C11orf24: variants seen among roughly 807,000 people sequenced by gnomAD.
C11orf24 encodes the protein chromosome 11 open reading frame 24, also known as uncharacterized protein C11orf24.
Under a neutral mutation model 7.3 loss-of-function variants are expected in C11orf24, and 5 were observed. That is an observed-to-expected ratio of 0.69 (90% CI 0.36 to 1.45). C11orf24 has a LOEUF of 1.45. C11orf24 is among the 40% of genes most tolerant of loss of function. The pLI, the probability that C11orf24 is intolerant of heterozygous loss-of-function variation, is 0.03. For missense variants in C11orf24, 566 were observed against 590.5 expected (o/e 0.96, Z 0.43); for synonymous variants, 233 against 235.7 (o/e 0.99, Z 0.11).
Position 68,262,622 on chromosome 11 carries a change from T to A in C11orf24, c.373A>T (p.Ser125Cys), listed in dbSNP as rs2098562497. The A allele has an allele frequency of 6.2e-7, 1 of 1,612,564 alleles. No individual in the cohort carries two copies. The highest frequency in any genetic ancestry group is 8.5e-7 in the Non-Finnish European group (1 of 1,179,880). Reference protein sequence around the residue: ...TAASITTAASSMTVASSAPTT... With the variant: ...TAASITTAASCMTVASSAPTT... Reference sequence around the variant, plus strand: ...GGAGCACTGGAGGCCACAGTCATACTGGAGGCCGCAGTCGTAATGGAGGCC... The same window carrying A: ...GGAGCACTGGAGGCCACAGTCATACAGGAGGCCGCAGTCGTAATGGAGGCC... Residue 125 changes from serine (S) to cysteine (C), a missense_variant, in exon 4 of 4, where the codon AGT becomes TGT. Physicochemically the swap from Ser to Cys is moderately radical, Grantham distance 112. Transcript: ENST00000304271.
At chr11:68,271,299 C>T (rs1342958949) in intron 1 of C11orf24, among the ~76,000 whole-genome samples, 1 of 152,120 alleles carries the variant, frequency 6.6e-6, no homozygotes, top group Non-Finnish European at 1.5e-5. Flanking sequence ...TAAGCAGCCA[C>T]ACGGGGGCTA....
intron 2 of C11orf24, among the ~76,000 whole-genome samples, chr11:68,264,491 C>T (rs2098563606): frequency 1.4e-5 from 2 of 142,336 alleles, no homozygotes; most frequent in Admixed American, 7.0e-5. Flanking sequence ...TCCACCCACC[C>T]ATCCATCCAC....
In C11orf24 at chr11:68,262,527, C is replaced by T. The variant is rs755673455; in HGVS notation, c.468G>A (p.Ala156=). The change falls in exon 4 of 4, where the codon GCG becomes GCA. Residue 156 remains alanine, a synonymous_variant. Transcript: ENST00000304271. Reference sequence around the variant, plus strand: ...CAAGTGTCATGGGAGTGCTGGAGGCCGCAGTCATACTGGAGGCTGCAGTCG... The same window carrying T: ...CAAGTGTCATGGGAGTGCTGGAGGCTGCAGTCATACTGGAGGCTGCAGTCG... The part of the protein sequence containing the change: ...APTTAASSMT[A]ASSTPMTLAL... 47 of 1,612,292 alleles carry T rather than the reference C, an allele frequency of 2.9e-5. No individual in the cohort carries two copies. In the Middle Eastern group the frequency reaches 8.3e-4, roughly 28 times the overall value.
chr11:68,270,970 T>G (rs1294881668), intron 1 of C11orf24, among the ~76,000 whole-genome samples: 1 of 152,186 alleles, frequency 6.6e-6, no homozygotes, highest in African/African-American at 2.4e-5. Flanking sequence ...TTTATTATAT[T>G]ACATTAACTA....
At chr11:68,266,843 T>C (rs1422013402) in intron 2 of C11orf24, among the ~76,000 whole-genome samples, 1 of 152,048 alleles carries the variant, frequency 6.6e-6, no homozygotes, top group African/African-American at 2.4e-5. Context: ...GAGCCCGGGA[T>C]TTGAGGTCCT....
In C11orf24 at chr11:68,262,892, T is replaced by C. The variant is rs1037814676; in HGVS notation, c.103A>G (p.Lys35Glu). 1.9e-6 allele frequency: 3 copies of C among 1,613,602 alleles called. No individual in the cohort carries two copies. Among genetic ancestry groups the C allele is most frequent in the Non-Finnish European group, 2.5e-6 (3 of 1,179,772 alleles). ...PRNFVPNKMWKGLVKRNASVE... is the reference protein window; with the variant it reads ...PRNFVPNKMWEGLVKRNASVE... ...GATGCATTCCTCTTGACTAATCCCT[T>C]CCACATTTTGTTAGGGACAAAGTTG... Residue 35 changes from lysine (K) to glutamate (E), a missense_variant, in exon 4 of 4, where the codon AAG becomes GAG. Lys to Glu is a moderately conservative substitution (Grantham distance 56). Coordinates refer to ENST00000304271, the MANE Select transcript of C11orf24 (RefSeq NM_022338.4).
chr11:68,263,874 C>G lies in C11orf24; in HGVS notation c.-99-8G>C. The G allele has an allele frequency of 2.2e-6, 2 of 899,762 alleles. No individual in the cohort carries two copies. The highest frequency in any genetic ancestry group is 3.4e-6 in the Non-Finnish European group (2 of 583,728). The allele number at this position is 899,762 out of a possible 1,614,324, so 55.7% of individuals were successfully genotyped here. ...CCTGCTTGGCCAAGGGATCTGTGGT[C>G]AAGAAAGCACGCTGGTCAGAAGGCG... On this transcript the variant is annotated splice_polypyrimidine_tract_variant and splice_region_variant and intron_variant, in intron 2 of 3. Transcript: ENST00000304271.
intron 2 of C11orf24, among the ~76,000 whole-genome samples, chr11:68,265,235 T>G (rs2098564476): frequency 6.6e-6 from 1 of 152,106 alleles, no homozygotes; most frequent in Non-Finnish European, 1.5e-5. Context: ...GCAGTTTAGA[T>G]TTCACAGTAG....
At chr11:68,263,897 G>C in intron 2 of C11orf24, 31 bp from the exon 3 acceptor site, 2 of 721,000 alleles carry the variant, frequency 2.8e-6, no homozygotes, top group Non-Finnish European at 4.6e-6. Flanking sequence ...TGGTCAGAAG[G>C]CGTCTGGCCA....
intron 1 of C11orf24, among the ~76,000 whole-genome samples, chr11:68,270,065 T>C (rs2098567120): frequency 6.6e-6 from 1 of 152,192 alleles, no homozygotes; most frequent in African/African-American, 2.4e-5. Context: ...TTCTCATTAT[T>C]ATGTGGTACA....
At chr11:68,266,811 C>T (rs1037110510) in intron 2 of C11orf24, among the ~76,000 whole-genome samples, 1 of 152,098 alleles carries the variant, frequency 6.6e-6, no homozygotes, top group Non-Finnish European at 1.5e-5. Flanking sequence ...ATGCTACCAC[C>T]CCTGGTATGT....
rs1443958037 is a variant in C11orf24 at position 68,263,686 on chromosome 11, A to G, written c.76+6T>C. On this transcript the variant is annotated splice_donor_region_variant and intron_variant, in intron 3 of 3. Coordinates refer to ENST00000304271, the MANE Select transcript of C11orf24 (RefSeq NM_022338.4). ...CATCCAGCAGTCACACAGCTTTCTC[A>G]CTTACGTGGATCGTTGGATGCCGCA... 6.2e-7 allele frequency: 1 copy of G among 1,612,790 alleles called. No individual in the cohort carries two copies. The highest frequency in any genetic ancestry group is 8.5e-7 in the Non-Finnish European group (1 of 1,179,512).
At chr11:68,269,863 T>C (rs1157265890) in intron 1 of C11orf24, among the ~76,000 whole-genome samples, 2 of 152,234 alleles carry the variant, frequency 1.3e-5, no homozygotes, top group East Asian at 1.9e-4. Flanking sequence ...TATGACTTCA[T>C]CCCTCTGCTA....
chr11:68,265,233 G>A (rs1377208202), intron 2 of C11orf24, among the ~76,000 whole-genome samples: 1 of 152,160 alleles, frequency 6.6e-6, no homozygotes, highest in African/African-American at 2.4e-5. Context: ...TGGCAGTTTA[G>A]ATTTCACAGT....
chr11:68,266,922 A>G (rs2153104071), intron 2 of C11orf24, among the ~76,000 whole-genome samples: 1 of 152,220 alleles, frequency 6.6e-6, no homozygotes, highest in South Asian at 2.1e-4. Flanking sequence ...CGGCTCCTGA[A>G]TGTACCCCAG....
chr11:68,270,046 C>A (rs1040927970), intron 1 of C11orf24, among the ~76,000 whole-genome samples: 1 of 95,288 alleles, frequency 1.0e-5, no homozygotes, highest in African/African-American at 4.3e-5. Context: ...CTCGGGACCC[C>A]ACCAGTTATT....
Position 68,261,418 on chromosome 11 carries a change from G to T in C11orf24, c.*227C>A. On this transcript the variant is annotated 3_prime_UTR_variant, in exon 4 of 4. Transcript: ENST00000304271. ...GTCCTGCCCGCCCCACCCTGAGGTG[G>T]AACCCCCAGCTGCTCCTGGGCACAG... 1.9e-6 allele frequency: 1 copy of T among 514,094 alleles called. No homozygotes were observed. The highest frequency in any genetic ancestry group is 1.9e-5 in the African/African-American group (1 of 52,502). 31.8% of individuals were successfully genotyped at this position (514,094 alleles called of 1,614,324 possible).
rs2098562319 is a variant in C11orf24, at chr11:68,262,434, A to T, written c.561T>A (p.Ser187=). 2 of 1,614,088 alleles carry T rather than the reference A, an allele frequency of 1.2e-6. No individual in the cohort carries two copies. The highest frequency in any genetic ancestry group is 1.6e-4 in the Middle Eastern group (1 of 6,062). ...GCACTTGTGCGAGGGCTGTGCTGAG[A>T]GATGGATGCCCAGTGGCGGTAGTGG... The part of the protein sequence containing the change: ...TPSTTATGHP[S]LSTALAQVPK... Residue 187 remains serine (S), a synonymous_variant, in exon 4 of 4, where the codon TCT becomes TCA. Transcript: ENST00000304271.
intron 2 of C11orf24, among the ~76,000 whole-genome samples, chr11:68,264,114 C>T (rs2098563336): frequency 6.6e-6 from 1 of 152,130 alleles, no homozygotes; most frequent in South Asian, 2.1e-4. Context: ...TCCCATTCTC[C>T]CATCCTAGAG....
Sources: allele counts gnomAD v4.1 joint callset (sites outside exome capture counted in the v4.1 genomes callset), GRCh38; gene constraint gnomAD v4.1.1; transcripts MANE v1.5; gene names NCBI Gene and HGNC (gene_info 2026-07-23, HGNC 2026-07-21).